GOLPH3L: variants seen among roughly 807,000 people sequenced by gnomAD.
GOLPH3L encodes golgi phosphoprotein 3 like.
Under a neutral mutation model 30.3 loss-of-function variants are expected in GOLPH3L, and 22 were observed. The ratio of observed to expected loss-of-function variants is 0.73; its 90% confidence interval spans 0.52 to 1.04. GOLPH3L has a LOEUF of 1.04. Among genes scored for constraint, GOLPH3L ranks in the 50% least tolerant of loss-of-function variants. The pLI is 0.00. For missense variants in GOLPH3L, 303 were observed against 345.8 expected (o/e 0.88, Z 0.98); for synonymous variants, 120 against 128.2 (o/e 0.94, Z 0.43).
In GOLPH3L at chr1:150,693,819, G is replaced by GTGTATA. The variant is rs1166804199; in HGVS notation, c.183+836_183+837insTATACA. 2.5e-3 allele frequency among the ~76,000 whole-genome samples: 213 copies of GTGTATA among 86,826 alleles called. 2 individuals carry two copies. Among genetic ancestry groups the GTGTATA allele is most frequent in the African/African-American group, 8.8e-3 (175 of 19,970 alleles). 57.0% of individuals were successfully genotyped at this position (86,826 alleles called of 152,430 possible). On this transcript the variant is annotated intron_variant, in intron 2 of 4. Coordinates refer to ENST00000271732, the MANE Select transcript of GOLPH3L (RefSeq NM_018178.6). ...TGTATGTGTGTGTGTGTGTGTGTGT[G>GTGTATA]TATATATATATATATATATATATAT...
chr1:150,694,792 T>C lies in GOLPH3L; in HGVS notation c.47A>G (p.Asn16Ser). Reference sequence around the variant, plus strand: ...CTCACTTTCCATCTTCTTTTCAGAGTTCTTGCTTATTTCAGTGCGACGGGC... The same window carrying C: ...CTCACTTTCCATCTTCTTTTCAGAGCTCTTGCTTATTTCAGTGCGACGGGC... ...HRARRTEISKNSEKKMESEED... is the reference protein window; with the variant it reads ...HRARRTEISKSSEKKMESEED... Residue 16 changes from asparagine to serine, a missense_variant, in exon 2 of 5, where the codon AAC becomes AGC. By Grantham distance (46) the Asn-to-Ser change is conservative (BLOSUM62 1). Transcript: ENST00000271732. 3.1e-6 allele frequency: 5 copies of C among 1,613,454 alleles called. No homozygotes were observed. The highest frequency in any genetic ancestry group is 4.2e-6 in the Non-Finnish European group (5 of 1,179,574).
chr1:150,670,271 T>A (rs1650611946), intron 2 of GOLPH3L, among the ~76,000 whole-genome samples: 3 of 138,752 alleles, frequency 2.2e-5, no homozygotes, highest in African/African-American at 8.1e-5. Flanking sequence ...TCAAAAAAAA[T>A]TGTAAAAAAG....
intron 2 of GOLPH3L, among the ~76,000 whole-genome samples, chr1:150,693,090 G>A (rs1375726700): frequency 6.6e-6 from 1 of 152,130 alleles, no homozygotes; most frequent in African/African-American, 2.4e-5. Context: ...TCAGCAAACA[G>A]GAAAATATAT....
intron 2 of GOLPH3L, among the ~76,000 whole-genome samples, chr1:150,668,664 T>TGA (rs1650571719): frequency 6.6e-6 from 1 of 152,194 alleles, no homozygotes; most frequent in South Asian, 2.1e-4. Flanking sequence ...ATTACAGGTG[T>TGA]GAGCCACTGT....
At chr1:150,654,005 C>T (rs1010415571) in intron 4 of GOLPH3L, among the ~76,000 whole-genome samples, 1 of 150,738 alleles carries the variant, frequency 6.6e-6, no homozygotes, top group Admixed American at 6.6e-5. Context: ...TCCAGTGATC[C>T]ACCTGCCTTG....
intron 2 of GOLPH3L, among the ~76,000 whole-genome samples, chr1:150,686,378 A>AT (rs935859058): frequency 3.3e-5 from 5 of 151,610 alleles, no homozygotes; most frequent in Non-Finnish European, 5.9e-5. Flanking sequence ...GGCTGTTTTC[A>AT]TTTTTTTGTA....
At chr1:150,676,643 T>C (rs1210174795) in intron 2 of GOLPH3L, among the ~76,000 whole-genome samples, 1 of 150,690 alleles carries the variant, frequency 6.6e-6, no homozygotes, top group Non-Finnish European at 1.5e-5. Context: ...TATTTTTTTT[T>C]TTTTTTTTTT....
intron 4 of GOLPH3L, among the ~76,000 whole-genome samples, chr1:150,651,642 C>CAAAAAAAAAAAAAAAAAAAAAGAACA (rs1650107197): frequency 3.3e-5 from 2 of 60,852 alleles, no homozygotes; most frequent in East Asian, 4.6e-4. Context: ...GAGCGAAACT[C>CAAAAAAAAAAAAAAAAAAAAAGAACA]AAAAAAAAAA....
intron 4 of GOLPH3L, among the ~76,000 whole-genome samples, chr1:150,652,515 T>A (rs1007963540): frequency 6.6e-6 from 1 of 151,754 alleles, no homozygotes; most frequent in Non-Finnish European, 1.5e-5. Flanking sequence ...CAGACCTGCT[T>A]ATAAGAAATA....
At position 150,648,737 on chromosome 1, in the gene GOLPH3L, T is replaced by A; in HGVS notation, c.442A>T (p.Asn148Tyr). The A allele has an allele frequency of 1.3e-6, 2 of 1,594,424 alleles. No individual in the cohort carries two copies. Among genetic ancestry groups the A allele is most frequent in the Non-Finnish European group, 1.7e-6 (2 of 1,162,192 alleles). Residue 148 changes from asparagine to tyrosine, a missense_variant, in exon 5 of 5, where the codon AAC becomes TAC. Physicochemically the swap from Asn to Tyr is moderately radical, Grantham distance 143 (BLOSUM62 -2). Coordinates refer to ENST00000271732, the MANE Select transcript of GOLPH3L (RefSeq NM_018178.6). ...WIELLTGETW[N>Y]PFKLQYQLRN... Reference sequence around the variant, plus strand: ...AGCTGGTACTGTAATTTGAAGGGGTTCCAGGTCTCACCTATGAGAAAAAAG... The same window carrying A: ...AGCTGGTACTGTAATTTGAAGGGGTACCAGGTCTCACCTATGAGAAAAAAG...
At chr1:150,695,003 G>T (rs587700676) in intron 1 of GOLPH3L, among the ~76,000 whole-genome samples, 153 bp from the exon 2 acceptor site, 1 of 152,298 alleles carries the variant, frequency 6.6e-6, no homozygotes, top group South Asian at 2.1e-4. Flanking sequence ...AAAAAAATGG[G>T]TGGGTAATAC....
At chr1:150,666,872 A>G (rs970678858) in intron 2 of GOLPH3L, among the ~76,000 whole-genome samples, 1 of 152,130 alleles carries the variant, frequency 6.6e-6, no homozygotes. Flanking sequence ...ATACCTGACA[A>G]TATCTGAGGA....
intron 2 of GOLPH3L, among the ~76,000 whole-genome samples, chr1:150,683,986 T>C (rs1343358849): frequency 6.6e-6 from 1 of 152,156 alleles, no homozygotes; most frequent in Non-Finnish European, 1.5e-5. Context: ...TCTTTGAAGA[T>C]AGGGCTTTTA....
At chr1:150,670,522 A>G (rs184694823) in intron 2 of GOLPH3L, among the ~76,000 whole-genome samples, 7,132 of 150,982 alleles carry the variant, frequency 0.047, 219 homozygotes, top group Non-Finnish European at 0.073. Flanking sequence ...GCATGAACCC[A>G]GGAGGCGGAG....
intron 2 of GOLPH3L, among the ~76,000 whole-genome samples, chr1:150,664,308 A>C (rs949645663): frequency 1.1e-4 from 16 of 152,182 alleles, no homozygotes; most frequent in African/African-American, 3.9e-4. Flanking sequence ...CTGGTTTGAC[A>C]TGCAAAATTT....
rs1571042389 is a variant in GOLPH3L, at chr1:150,667,687, G to A, written c.184-3924C>T. Among the ~76,000 whole-genome samples the A allele has an allele frequency of 3.3e-5, 5 of 150,700 alleles. No individual in the cohort carries two copies. The East Asian group carries it at 7.8e-4, about 23-fold the overall frequency. On this transcript the variant is annotated intron_variant, in intron 2 of 4. Coordinates refer to ENST00000271732, the MANE Select transcript of GOLPH3L (RefSeq NM_018178.6). The stretch of plus-strand genomic sequence containing the variant: ...CGGCTGACTGTAAGCTCCACCTGCC[G>A]GGTTCACGCCATTCTCCTGCCTCAG...
At chr1:150,689,838 A>G (rs908057381) in intron 2 of GOLPH3L, among the ~76,000 whole-genome samples, 10 of 151,772 alleles carry the variant, frequency 6.6e-5, no homozygotes, top group Admixed American at 1.3e-4. Flanking sequence ...GGGTTTCACC[A>G]TGTTGGCCAG....
intron 3 of GOLPH3L, among the ~76,000 whole-genome samples, chr1:150,662,651 T>G (rs966374912): frequency 2.6e-5 from 4 of 152,124 alleles, no homozygotes; most frequent in Admixed American, 6.6e-5. Context: ...TGATACAAAC[T>G]GAGACTTGGA....
chr1:150,671,861 T>C (rs1650653836), intron 2 of GOLPH3L, among the ~76,000 whole-genome samples: 1 of 147,874 alleles, frequency 6.8e-6, no homozygotes, highest in Non-Finnish European at 1.5e-5. Flanking sequence ...TAAAGCATCA[T>C]TAAAAAATAT....
Sources: allele counts gnomAD v4.1 joint callset (sites outside exome capture counted in the v4.1 genomes callset), GRCh38; gene constraint gnomAD v4.1.1; transcripts MANE v1.5; gene names NCBI Gene and HGNC (gene_info 2026-07-23, HGNC 2026-07-21).